Variants in SORCS2 observed in about 807,000 individuals in gnomAD.
SORCS2 encodes the protein sortilin related VPS10 domain containing receptor 2, also known as VPS10 domain-containing receptor SorCS2.
In SORCS2, 100 loss-of-function variants were observed where a neutral mutation model predicts 141.6. The ratio of observed to expected loss-of-function variants is 0.71; its 90% CI spans 0.60 to 0.83. SORCS2 has a LOEUF of 0.83. Among genes scored for constraint, SORCS2 ranks in the 40% least tolerant of loss-of-function variants. The probability of loss-of-function intolerance (pLI) is 0.00; values close to 1 mark genes in which losing one functional copy is unlikely to be tolerated. For missense variants in SORCS2, 1,646 were observed against 1,560.2 expected, an observed-to-expected ratio of 1.05 and a Z score of -0.93; for synonymous variants, 789 against 676.9, an observed-to-expected ratio of 1.17 and a Z score of -2.57.
At chr4:7,603,555 A>C (rs1717873763) in intron 3 of SORCS2, among the ~76,000 whole-genome samples, 1 of 152,182 alleles carries the variant, frequency 6.6e-6, no homozygotes, top group Admixed American at 6.5e-5. Flanking sequence ...TTTATTTTAA[A>C]GTCTTTGGTT....
At chr4:7,549,979 G>A (rs1339290736) in intron 3 of SORCS2, among the ~76,000 whole-genome samples, 3 of 152,218 alleles carry the variant, frequency 2.0e-5, no homozygotes, top group African/African-American at 7.2e-5. Context: ...CCCGAGGACT[G>A]AAAGGAATTC....
intron 3 of SORCS2, among the ~76,000 whole-genome samples, chr4:7,560,570 C>A (rs773845641): frequency 1.3e-5 from 2 of 152,078 alleles, no homozygotes; most frequent in African/African-American, 4.8e-5. Flanking sequence ...GCCCAAGATG[C>A]GCCCCCAGCA....
At chr4:7,417,371 T>C (rs538476325) in intron 2 of SORCS2, among the ~76,000 whole-genome samples, 1 of 152,292 alleles carries the variant, frequency 6.6e-6, no homozygotes, top group East Asian at 1.9e-4. Flanking sequence ...GGATTGCATA[T>C]GGGCCACTCT....
In SORCS2 at chr4:7,392,322, C is replaced by T. The variant is rs550285292; in HGVS notation, c.481-3966C>T. 1.9e-3 allele frequency among the ~76,000 whole-genome samples: 288 copies of T among 151,782 alleles called. 1 individual carries two copies. The highest frequency in any genetic ancestry group is 6.5e-3 in the African/African-American group (270 of 41,370). On this transcript the variant is annotated intron_variant, in intron 1 of 26. Coordinates refer to ENST00000507866, the MANE Select transcript of SORCS2 (RefSeq NM_020777.3). ...CCCCACCCTTAGGTGTCAGGAGGAG[C>T]GGGTGATGGGCTCTGCGGGGAGCCC...
At position 7,301,545 on chromosome 4, in the gene SORCS2, T is replaced by C. The variant is rs74977548; in HGVS notation, c.481-94743T>C. 3.7e-3 allele frequency among the ~76,000 whole-genome samples: 565 copies of C among 152,290 alleles called. 6 individuals are homozygous for C. The highest frequency in any genetic ancestry group is 0.013 in the African/African-American group (546 of 41,562). On this transcript the variant is annotated intron_variant, in intron 1 of 26. Transcript: ENST00000507866. Reference sequence around the variant, plus strand: ...CCCCTGAGTATGGGCCCACATTGGCTGGGAGCACGGCAGGCAGAGCACCCT... The same window carrying C: ...CCCCTGAGTATGGGCCCACATTGGCCGGGAGCACGGCAGGCAGAGCACCCT...
intron 2 of SORCS2, among the ~76,000 whole-genome samples, chr4:7,445,458 G>A (rs886085359): frequency 2.6e-5 from 4 of 152,082 alleles, no homozygotes; most frequent in African/African-American, 9.7e-5. Context: ...GAGGAATTTG[G>A]GTGATTTTGA....
chr4:7,622,455 C>T (rs1238785220), intron 3 of SORCS2, among the ~76,000 whole-genome samples: 1 of 152,176 alleles, frequency 6.6e-6, no homozygotes, highest in East Asian at 1.9e-4. Context: ...GAGGCCGGGG[C>T]ACAACTGCAG....
At chr4:7,539,968 A>C (rs1477732536) in intron 3 of SORCS2, among the ~76,000 whole-genome samples, 17 of 53,816 alleles carry the variant, frequency 3.2e-4, no homozygotes, top group Admixed American at 4.8e-4. Context: ...CTGTGATGGC[A>C]CCGCCCCTTC....
chr4:7,709,843 G>T (rs1218103559), intron 14 of SORCS2, among the ~76,000 whole-genome samples: 1 of 152,172 alleles, frequency 6.6e-6, no homozygotes, highest in Non-Finnish European at 1.5e-5. Flanking sequence ...GCAGGGAGGG[G>T]TCCCCAGGCC....
At position 7,219,641 on chromosome 4, in the gene SORCS2, C is replaced by T. The variant is rs150081854; in HGVS notation, c.480+26515C>T. Among the ~76,000 whole-genome samples, 5 of 152,308 alleles carry T rather than the reference C, an allele frequency of 3.3e-5. No individual in the cohort carries two copies. The East Asian group carries it at 5.8e-4, about 18-fold the overall frequency. On this transcript the variant is annotated intron_variant, in intron 1 of 26. Coordinates refer to ENST00000507866, the MANE Select transcript of SORCS2 (RefSeq NM_020777.3). ...AGATGCTTATAAAACCATCAGATCT[C>T]GTGAGAACTCACTCACTAATCCGAG...
chr4:7,522,023 A>G (rs1272338803), intron 2 of SORCS2, among the ~76,000 whole-genome samples: 17 of 152,222 alleles, frequency 1.1e-4, no homozygotes, highest in Admixed American at 9.8e-4. Flanking sequence ...TGCTTCGTGC[A>G]TGTTCTACAC....
intron 1 of SORCS2, among the ~76,000 whole-genome samples, chr4:7,251,579 C>T (rs1713511751): frequency 1.3e-5 from 2 of 152,174 alleles, no homozygotes; most frequent in African/African-American, 4.8e-5. Flanking sequence ...GACACTTTCA[C>T]AGGTTCTGTG....
At chr4:7,428,477 T>C (rs530689029) in intron 2 of SORCS2, among the ~76,000 whole-genome samples, 1 of 152,200 alleles carries the variant, frequency 6.6e-6, no homozygotes, top group East Asian at 1.9e-4. Context: ...CACAGCCAGA[T>C]AGCCGAGTAG....
At chr4:7,207,862 G>A (rs912148172) in intron 1 of SORCS2, among the ~76,000 whole-genome samples, 3 of 152,166 alleles carry the variant, frequency 2.0e-5, no homozygotes, top group Non-Finnish European at 4.4e-5. Flanking sequence ...TTCCTGATAT[G>A]AATTATTGCC....
chr4:7,331,125 G>A (rs1719630266), intron 1 of SORCS2, among the ~76,000 whole-genome samples: 1 of 152,126 alleles, frequency 6.6e-6, no homozygotes, highest in Non-Finnish European at 1.5e-5. Flanking sequence ...TGGGGGTGGG[G>A]ACAGGGTGGA....
chr4:7,364,604 C>T (rs531637391), intron 1 of SORCS2, among the ~76,000 whole-genome samples: 17 of 152,288 alleles, frequency 1.1e-4, no homozygotes, highest in Admixed American at 1.0e-3. Flanking sequence ...GAGGGTGGCA[C>T]TGTCTCCCTT....
intron 2 of SORCS2, among the ~76,000 whole-genome samples, chr4:7,526,378 A>C (rs1035337153): frequency 3.9e-5 from 6 of 152,246 alleles, no homozygotes; most frequent in Non-Finnish European, 2.9e-5. Context: ...GCGTGGAAGG[A>C]CCTTAATGCT....
chr4:7,432,926 G>A (rs189186171), intron 2 of SORCS2: 13 of 165,388 alleles, frequency 7.9e-5, no homozygotes, highest in East Asian at 6.9e-4. Flanking sequence ...CCCTGCCTCC[G>A]CTCACCCCGG....
intron 2 of SORCS2, among the ~76,000 whole-genome samples, chr4:7,506,269 G>T (rs1489479193): frequency 6.6e-6 from 1 of 152,188 alleles, no homozygotes; most frequent in Non-Finnish European, 1.5e-5. Context: ...GCTTAATGAG[G>T]CCTAAATCTG....
Sources: allele counts gnomAD v4.1 joint callset (sites outside exome capture counted in the v4.1 genomes callset), GRCh38; gene constraint gnomAD v4.1.1; transcripts MANE v1.5; gene names NCBI Gene and HGNC (gene_info 2026-07-23, HGNC 2026-07-21).